The following AGBL4 variants were observed in gnomAD, a reference collection of about 807,000 sequenced individuals.
The protein encoded by AGBL4 is AGBL carboxypeptidase 4.
AGBL4 carries 58 observed loss-of-function variants against 66.4 expected under a neutral mutation model. The observed-to-expected ratio is 0.87, with a 90% CI of 0.71 to 1.09. The LOEUF (loss-of-function observed/expected upper bound fraction) is 1.09. AGBL4 is among the 50% of genes least tolerant of loss of function. AGBL4 has a pLI of 0.00. For missense variants in AGBL4, 579 were observed against 631.0 expected (o/e 0.92, Z 0.88); for synonymous variants, 234 against 222.9 (o/e 1.05, Z -0.44).
chr1:49,947,994 A>ATAAATATATATATT lies in AGBL4; in HGVS notation c.34+75768_34+75769insAATATATATATTTA, dbSNP rs1183285520. On this transcript the variant is annotated intron_variant, in intron 1 of 13. Transcript: ENST00000371839. Reference sequence around the variant, plus strand: ...TATATTTATAAATATATATTTATATATATAAATATATATAAATATATAAAT... The same window carrying ATAAATATATATATT: ...TATATTTATAAATATATATTTATATATAAATATATATATTTATAAATATATATAAATATATAAAT... Among the ~76,000 whole-genome samples, 295 of 84,682 alleles carry ATAAATATATATATT rather than the reference A, an allele frequency of 3.5e-3. 3 individuals are homozygous for ATAAATATATATATT. Among genetic ancestry groups the ATAAATATATATATT allele is most frequent in the African/African-American group, 7.8e-3 (120 of 15,474 alleles). The allele number at this position is 84,682 out of a possible 152,430, so 55.6% of individuals were successfully genotyped here.
At chr1:49,874,220 T>C (rs376924264) in intron 1 of AGBL4, among the ~76,000 whole-genome samples, 4 of 152,136 alleles carry the variant, frequency 2.6e-5, no homozygotes, top group Non-Finnish European at 5.9e-5. Context: ...AAATTGATCA[T>C]AGACCTATTA....
At chr1:49,565,924 A>C (rs1228915569) in intron 3 of AGBL4, among the ~76,000 whole-genome samples, 1 of 152,080 alleles carries the variant, frequency 6.6e-6, no homozygotes, top group Non-Finnish European at 1.5e-5. Flanking sequence ...TCTCCCCGTC[A>C]CTTTCAGGTA....
chr1:49,274,285 G>A (rs1644121467), intron 3 of AGBL4, among the ~76,000 whole-genome samples: 1 of 151,878 alleles, frequency 6.6e-6, no homozygotes, highest in Non-Finnish European at 1.5e-5. Context: ...CATATATTAA[G>A]GCCCAAGAGA....
chr1:49,416,169 T>A (rs551100574), intron 3 of AGBL4, among the ~76,000 whole-genome samples: 1 of 152,240 alleles, frequency 6.6e-6, no homozygotes, highest in African/African-American at 2.4e-5. Context: ...CATTTTGTTA[T>A]GTTTATATAC....
At chr1:49,175,984 G>T (rs534213778) in intron 4 of AGBL4, among the ~76,000 whole-genome samples, 14 of 152,266 alleles carry the variant, frequency 9.2e-5, no homozygotes, top group African/African-American at 3.4e-4. Flanking sequence ...TTGATCAGAA[G>T]TTTTTCCTGC....
intron 5 of AGBL4, among the ~76,000 whole-genome samples, chr1:49,007,942 A>G (rs1662005235): frequency 6.6e-6 from 1 of 151,884 alleles, no homozygotes; most frequent in Admixed American, 6.6e-5. Context: ...TGTAAAGACC[A>G]TCAAGACTAG....
chr1:48,714,147 A>G (rs966959094), intron 6 of AGBL4, among the ~76,000 whole-genome samples: 3 of 152,194 alleles, frequency 2.0e-5, no homozygotes, highest in Non-Finnish European at 4.4e-5. Context: ...TTCATAGGCC[A>G]TCACCTGTCT....
intron 5 of AGBL4, among the ~76,000 whole-genome samples, chr1:48,991,469 A>C (rs1007589614): frequency 2.0e-5 from 3 of 152,062 alleles, no homozygotes; most frequent in Non-Finnish European, 4.4e-5. Flanking sequence ...CTTTTGGTTA[A>C]ATATGCTAGG....
At chr1:49,590,536 A>C (rs532470842) in intron 3 of AGBL4, among the ~76,000 whole-genome samples, 116 of 152,224 alleles carry the variant, frequency 7.6e-4, no homozygotes, top group Non-Finnish European at 1.3e-3. Flanking sequence ...AGAAAACATC[A>C]GCAAAGTTAT....
intron 10 of AGBL4, among the ~76,000 whole-genome samples, chr1:48,587,611 TTATTATTTTATTTA>T (rs1348318482): frequency 1.4e-5 from 2 of 147,624 alleles, no homozygotes; most frequent in African/African-American, 5.0e-5. Context: ...CTTTTTATTA[TTATTATTTTATTTA>T]TTTTATTTTA....
At chr1:49,058,863 C>T (rs907791836) in intron 4 of AGBL4, among the ~76,000 whole-genome samples, 22 of 152,146 alleles carry the variant, frequency 1.4e-4, no homozygotes, top group Non-Finnish European at 2.8e-4. Context: ...TGGCATTTTG[C>T]CCTGCCCTAG....
At chr1:49,851,651 G>T in intron 1 of AGBL4, 133 bp from the exon 2 acceptor site, 1 of 818,804 alleles carries the variant, frequency 1.2e-6, no homozygotes, top group Non-Finnish European at 1.8e-6. Flanking sequence ...ACCACATTGT[G>T]GTACAGTGAA....
chr1:48,750,099 C>T (rs767284591), intron 6 of AGBL4, among the ~76,000 whole-genome samples: 1 of 152,158 alleles, frequency 6.6e-6, no homozygotes, highest in African/African-American at 2.4e-5. Context: ...GCTGATACTC[C>T]CTTCAGGCCA....
At chr1:49,994,455 T>C (rs1448040904) in intron 1 of AGBL4, 1 of 152,104 alleles carries the variant, frequency 6.6e-6, no homozygotes, top group African/African-American at 2.4e-5. Flanking sequence ...AACACAGGTC[T>C]ATAATCCTGG....
intron 4 of AGBL4, among the ~76,000 whole-genome samples, chr1:49,167,603 T>C (rs1646657897): frequency 6.6e-6 from 1 of 152,176 alleles, no homozygotes; most frequent in Admixed American, 6.5e-5. Context: ...AAGGAGTGGC[T>C]ATAGAAAGAG....
intron 4 of AGBL4, among the ~76,000 whole-genome samples, chr1:49,094,623 A>C (rs1645060289): frequency 6.6e-6 from 1 of 152,110 alleles, no homozygotes; most frequent in Admixed American, 6.6e-5. Context: ...ATCGATGTTC[A>C]TCAGGGATAT....
chr1:49,468,573 A>T lies in AGBL4; in HGVS notation c.283-222709T>A, dbSNP rs546185899. ...GGATTATCCCTATGCAATTGCCCAT[A>T]ATCTATTCCTGTAATACACATTCTC... On this transcript the variant is annotated intron_variant, in intron 3 of 13. Coordinates refer to ENST00000371839, the MANE Select transcript of AGBL4 (RefSeq NM_032785.4). Among the ~76,000 whole-genome samples the T allele has an allele frequency of 9.9e-5, 15 of 151,870 alleles. No individual in the cohort carries two copies. The South Asian group carries it at 1.2e-3, about 13-fold the overall frequency.
intron 5 of AGBL4, among the ~76,000 whole-genome samples, chr1:48,951,482 C>G (rs1254539681): frequency 6.6e-6 from 1 of 152,116 alleles, no homozygotes; most frequent in Non-Finnish European, 1.5e-5. Context: ...ATCTTAACCC[C>G]TAATGTGATA....
chr1:49,350,435 C>T (rs1645729972), intron 3 of AGBL4, among the ~76,000 whole-genome samples: 1 of 151,974 alleles, frequency 6.6e-6, no homozygotes, highest in Admixed American at 6.6e-5. Flanking sequence ...GATCTCCTGA[C>T]CTCGTGATCC....
Sources: allele counts gnomAD v4.1 joint callset (sites outside exome capture counted in the v4.1 genomes callset), GRCh38; gene constraint gnomAD v4.1.1; transcripts MANE v1.5; gene names NCBI Gene and HGNC (gene_info 2026-07-23, HGNC 2026-07-21).